SGF29: variants seen among roughly 807,000 people sequenced by gnomAD.
SGF29 encodes SAGA-associated factor 29.
A neutral mutation model predicts 38.1 loss-of-function variants in SGF29; 15 were observed. That is an observed-to-expected ratio of 0.39 (90% CI 0.26 to 0.61). The LOEUF (loss-of-function observed/expected upper bound fraction) is 0.61. Among genes scored for constraint, SGF29 ranks in the 20% least tolerant of loss-of-function variants. The pLI, the probability that SGF29 is intolerant of heterozygous loss-of-function variation, is 0.49. For missense variants in SGF29, 184 were observed against 394.6 expected (o/e 0.47, Z 4.52); for synonymous variants, 151 against 160.8 (o/e 0.94, Z 0.46).
At chr16:28,575,365 A>G (rs2046886693) in intron 1 of SGF29, among the ~76,000 whole-genome samples, 1 of 152,234 alleles carries the variant, frequency 6.6e-6, no homozygotes, top group African/African-American at 2.4e-5. Flanking sequence ...AAAATTAAAA[A>G]CATGTGCTTC....
intron 1 of SGF29, among the ~76,000 whole-genome samples, chr16:28,561,167 G>C (rs1434159135): frequency 5.3e-5 from 8 of 152,212 alleles, no homozygotes; most frequent in Middle Eastern, 6.8e-3. Context: ...TGAGTCGGGA[G>C]GATCGCCTGA....
At chr16:28,589,981 G>T in intron 5 of SGF29, 115 bp from the exon 6 acceptor site, 1 of 1,416,858 alleles carries the variant, frequency 7.1e-7, no homozygotes, top group Non-Finnish European at 9.4e-7. Context: ...GGGCCCTCGG[G>T]CTCACTCGGG....
chr16:28,583,357 C>T (rs1014089486), intron 2 of SGF29, among the ~76,000 whole-genome samples: 31 of 152,188 alleles, frequency 2.0e-4, no homozygotes, highest in Admixed American at 6.5e-4. Flanking sequence ...CAGATTGCAG[C>T]GGCAGCAGTA....
At chr16:28,564,404 G>A (rs1159582972) in intron 1 of SGF29, among the ~76,000 whole-genome samples, 1 of 150,800 alleles carries the variant, frequency 6.6e-6, no homozygotes, top group Non-Finnish European at 1.5e-5. Context: ...TCTTCCACCG[G>A]GTTAGAGAAG....
At chr16:28,556,629 G>A (rs1212758733) in intron 1 of SGF29, among the ~76,000 whole-genome samples, 1 of 152,134 alleles carries the variant, frequency 6.6e-6, no homozygotes, top group African/African-American at 2.4e-5. Context: ...TTACAGGTGT[G>A]AGCCATTGCG....
rs913343279 is a variant in SGF29, at chr16:28,585,513, C to T, written c.152-135C>T. 7.7e-5 allele frequency: 61 copies of T among 793,948 alleles called. 1 individual carries two copies. The Admixed American group carries it at 8.4e-4, about 11-fold the overall frequency. 49.2% of individuals were successfully genotyped at this position (793,948 alleles called of 1,614,324 possible). ...TGGGGGCATCCGCCTCAGGAGCACT[C>T]CTGAGCCAGCAGAGCTCTGACTGCA... On this transcript the variant is annotated intron_variant, in intron 3 of 9. Coordinates refer to ENST00000317058, the MANE Select transcript of SGF29 (RefSeq NM_138414.3).
chr16:28,590,505 A>G lies in SGF29; in HGVS notation c.566+63A>G, dbSNP rs2046982625. 3 of 1,613,294 alleles carry G rather than the reference A, an allele frequency of 1.9e-6. No homozygotes were observed. Among genetic ancestry groups the G allele is most frequent in the African/African-American group, 1.3e-5 (1 of 74,872 alleles). ...CGAACTTGCCTGGGCTACGGGAGAA[A>G]AGCTCTGCAGAGGGTGCTCCCCAGA... On this transcript the variant is annotated intron_variant, in intron 7 of 9. Transcript: ENST00000317058. This position sits in a 1 kb window ranked among gnomAD's most constrained non-coding sequence, Gnocchi z 8.2.
At position 28,564,674 on chromosome 16, in the gene SGF29, T is replaced by C. The variant is rs1489190538; in HGVS notation, c.-16+10577T>C. ...ATATACGTATATATATGCATATATATGTATATATATGTGTATATATATGTA... is the reference window on the plus strand; with the variant it reads ...ATATACGTATATATATGCATATATACGTATATATATGTGTATATATATGTA... On this transcript the variant is annotated intron_variant, in intron 1 of 9. Transcript: ENST00000317058. 3.4e-4 allele frequency among the ~76,000 whole-genome samples: 31 copies of C among 90,204 alleles called. 1 individual carries two copies. Among genetic ancestry groups the C allele is most frequent in the South Asian group, 1.9e-3 (7 of 3,738 alleles). The allele number at this position is 90,204 out of a possible 152,430, so 59.2% of individuals were successfully genotyped here.
At chr16:28,581,290 T>A (rs1025469469) in intron 2 of SGF29, 146 bp downstream of exon 2, 26 of 700,426 alleles carry the variant, frequency 3.7e-5, no homozygotes, top group Non-Finnish European at 2.5e-5. Flanking sequence ...GAATTTGGTG[T>A]ATGGCTACCA....
At chr16:28,575,098 CCT>C (rs1288226423) in intron 1 of SGF29, among the ~76,000 whole-genome samples, 1 of 152,096 alleles carries the variant, frequency 6.6e-6, no homozygotes, top group African/African-American at 2.4e-5. Flanking sequence ...CCAGTGCATC[CCT>C]TCTGAACCAC....
chr16:28,564,334 C>T (rs143115369), intron 1 of SGF29, among the ~76,000 whole-genome samples: 3 of 151,434 alleles, frequency 2.0e-5, no homozygotes, highest in Non-Finnish European at 4.4e-5. Context: ...GAAGTTTAGC[C>T]TGAAGCTGAT....
At chr16:28,568,643 A>G (rs916644418) in intron 1 of SGF29, among the ~76,000 whole-genome samples, 1 of 151,866 alleles carries the variant, frequency 6.6e-6, no homozygotes, top group Non-Finnish European at 1.5e-5. Flanking sequence ...GGCCAGGAGC[A>G]GTGGCTCACG....
chr16:28,588,986 G>C, intron 4 of SGF29, 114 bp from the exon 5 acceptor site: 2 of 1,081,922 alleles, frequency 1.8e-6, no homozygotes, highest in Non-Finnish European at 2.8e-6. Flanking sequence ...GAGAACCTCT[G>C]GAGTCCGGGA....
chr16:28,584,858 G>T, intron 2 of SGF29, 55 bp from the exon 3 acceptor site: 1 of 1,341,554 alleles, frequency 7.5e-7, no homozygotes, highest in Non-Finnish European at 1.1e-6. Flanking sequence ...GGCTGGCAGG[G>T]TACCACAGCA....
intron 2 of SGF29, among the ~76,000 whole-genome samples, chr16:28,582,201 G>A (rs2046930066): frequency 6.6e-6 from 1 of 152,174 alleles, no homozygotes; most frequent in Admixed American, 6.5e-5. Context: ...TCATTGCTAA[G>A]TGAAAGATGC....
chr16:28,587,696 G>A (rs930539739), intron 4 of SGF29, among the ~76,000 whole-genome samples: 2 of 152,212 alleles, frequency 1.3e-5, no homozygotes, highest in African/African-American at 2.4e-5. Flanking sequence ...TTAGAACTCC[G>A]GGTCATTTCA....
chr16:28,583,260 C>G (rs1487577939), intron 2 of SGF29, among the ~76,000 whole-genome samples: 1 of 152,266 alleles, frequency 6.6e-6, no homozygotes, highest in Non-Finnish European at 1.5e-5. Context: ...AACTCGGCTA[C>G]TGTTTCTCCT....
intron 1 of SGF29, among the ~76,000 whole-genome samples, chr16:28,564,705 A>ATG (rs1242607205): frequency 7.3e-5 from 5 of 68,618 alleles, no homozygotes; most frequent in Non-Finnish European, 1.4e-4. Flanking sequence ...ATGTATATAT[A>ATG]TACATATATA....
At chr16:28,564,772 T>C (rs1231425644) in intron 1 of SGF29, among the ~76,000 whole-genome samples, 4 of 41,054 alleles carry the variant, frequency 9.7e-5, no homozygotes, top group South Asian at 7.1e-4. Context: ...TGTATATATA[T>C]GTATATATAT....
Sources: allele counts gnomAD v4.1 joint callset (sites outside exome capture counted in the v4.1 genomes callset), GRCh38; gene constraint gnomAD v4.1.1; non-coding constraint Gnocchi (gnomAD v3.1); transcripts MANE v1.5; gene names NCBI Gene and HGNC (gene_info 2026-07-23, HGNC 2026-07-21).